CERS6: variants seen among roughly 807,000 people sequenced by gnomAD.
The protein encoded by CERS6 is ceramide synthase 6, also known as LAG1 homolog, ceramide synthase 6.
A neutral mutation model predicts 56.8 loss-of-function variants in CERS6; 26 were observed. The observed-to-expected ratio is 0.46, with a 90% CI of 0.34 to 0.63. The LOEUF is 0.63. Ranked by LOEUF, CERS6 falls within the 30% of genes least tolerant of loss-of-function variation. The probability of loss-of-function intolerance (pLI) is 0.01; values close to 1 mark genes in which losing one functional copy is unlikely to be tolerated. For synonymous variants in CERS6, 164 were observed against 173.3 expected, an observed-to-expected ratio of 0.95 and a Z score of 0.42; for missense variants, 415 against 467.5, an observed-to-expected ratio of 0.89 and a Z score of 1.04.
At chr2:168,514,121 T>C (rs1694844726) in intron 1 of CERS6, among the ~76,000 whole-genome samples, 1 of 152,174 alleles carries the variant, frequency 6.6e-6, no homozygotes, top group Non-Finnish European at 1.5e-5. Context: ...ATTTGAGGAG[T>C]CTGGAAAAAA....
chr2:168,709,968 G>T (rs772176962), intron 6 of CERS6, among the ~76,000 whole-genome samples: 3 of 152,172 alleles, frequency 2.0e-5, no homozygotes, highest in Non-Finnish European at 4.4e-5. Context: ...TTCTGAAGCA[G>T]AAATGTAAAA....
At chr2:168,728,721 G>A (rs938924971) in intron 8 of CERS6, among the ~76,000 whole-genome samples, 4 of 151,606 alleles carry the variant, frequency 2.6e-5, no homozygotes, top group African/African-American at 9.7e-5. Context: ...ATGCATTGTC[G>A]CCGGCCAGTC....
intron 1 of CERS6, among the ~76,000 whole-genome samples, chr2:168,465,170 A>G (rs953929093): frequency 1.3e-5 from 2 of 152,236 alleles, no homozygotes; most frequent in Non-Finnish European, 2.9e-5. Flanking sequence ...TGGCATATAC[A>G]TATGTCTCCA....
chr2:168,766,596 AC>A (rs1371880339), intron 9 of CERS6, among the ~76,000 whole-genome samples: 1 of 152,124 alleles, frequency 6.6e-6, no homozygotes, highest in Non-Finnish European at 1.5e-5. Context: ...TTCTTTCACT[AC>A]CCCCTCTCTG....
At chr2:168,465,356 A>G (rs1270060906) in intron 1 of CERS6, among the ~76,000 whole-genome samples, 1 of 152,164 alleles carries the variant, frequency 6.6e-6, no homozygotes, top group Non-Finnish European at 1.5e-5. Flanking sequence ...GTATTCTCAC[A>G]TCACGGAAGG....
At chr2:168,616,316 GA>G (rs200365324) in intron 3 of CERS6, among the ~76,000 whole-genome samples, 65 of 149,596 alleles carry the variant, frequency 4.3e-4, no homozygotes, top group African/African-American at 9.3e-4. Flanking sequence ...TACAATTTAG[GA>G]AAAAAAAATA....
At chr2:168,574,456 A>T (rs1320249143) in intron 3 of CERS6, among the ~76,000 whole-genome samples, 1 of 151,756 alleles carries the variant, frequency 6.6e-6, no homozygotes, top group Non-Finnish European at 1.5e-5. Flanking sequence ...TTGCTGCTAG[A>T]TGGGAAAACA....
intron 3 of CERS6, among the ~76,000 whole-genome samples, chr2:168,584,389 C>T (rs1683491929): frequency 6.6e-6 from 1 of 152,130 alleles, no homozygotes; most frequent in African/African-American, 2.4e-5. Context: ...CATAGAAAAA[C>T]TTCACAGTGG....
intron 4 of CERS6, among the ~76,000 whole-genome samples, chr2:168,659,349 C>T (rs1171056243): frequency 6.6e-6 from 1 of 152,230 alleles, no homozygotes; most frequent in African/African-American, 2.4e-5. Context: ...CTCTCCCTCA[C>T]ACGATTTCCT....
At position 168,513,822 on chromosome 2, in the gene CERS6, C is replaced by T. The variant is rs73018580; in HGVS notation, c.171-33774C>T. Reference sequence around the variant, plus strand: ...CTCTGTTTTCCCTTTTATTGTTGCTCCTGAGGCTGTTGGAACTGGTTGCGA... The same window carrying T: ...CTCTGTTTTCCCTTTTATTGTTGCTTCTGAGGCTGTTGGAACTGGTTGCGA... On this transcript the variant is annotated intron_variant, in intron 1 of 9. Transcript: ENST00000305747. Among the ~76,000 whole-genome samples the T allele has an allele frequency of 9.8e-3, 1,488 of 152,164 alleles. 23 individuals are homozygous for T. Among genetic ancestry groups the T allele is most frequent in the African/African-American group, 0.033 (1,378 of 41,484 alleles).
chr2:168,585,929 A>T (rs1393589331), intron 3 of CERS6, among the ~76,000 whole-genome samples: 5 of 152,178 alleles, frequency 3.3e-5, no homozygotes, highest in African/African-American at 1.2e-4. Context: ...CAACTAGGGC[A>T]TTTAGATTCT....
In CERS6 at chr2:168,508,051, T is replaced by C. The variant is rs1011381098; in HGVS notation, c.171-39545T>C. ...CTGAGCATGAAGGGAGTTCTTGATT[T>C]TTTATTTGCTTTTGTCTGTCCATAT... On this transcript the variant is annotated intron_variant, in intron 1 of 9. Coordinates refer to ENST00000305747, the MANE Select transcript of CERS6 (RefSeq NM_203463.3). Among the ~76,000 whole-genome samples the C allele has an allele frequency of 2.0e-5, 3 of 152,224 alleles. No homozygotes were observed. In the South Asian group the frequency reaches 6.2e-4, roughly 31 times the overall value.
intron 3 of CERS6, among the ~76,000 whole-genome samples, chr2:168,604,199 A>G (rs770432622): frequency 6.6e-6 from 1 of 152,104 alleles, no homozygotes; most frequent in East Asian, 1.9e-4. Flanking sequence ...CCTTAACCCT[A>G]TTTCCTGGCT....
chr2:168,553,186 G>T (rs1036089908), intron 2 of CERS6, among the ~76,000 whole-genome samples: 3 of 151,734 alleles, frequency 2.0e-5, no homozygotes, highest in Non-Finnish European at 2.9e-5. Context: ...GAATAAAACT[G>T]AATTAAATGA....
chr2:168,654,922 T>G (rs1056932328), intron 4 of CERS6, among the ~76,000 whole-genome samples: 1 of 152,234 alleles, frequency 6.6e-6, no homozygotes, highest in Non-Finnish European at 1.5e-5. Context: ...ATACATCTCA[T>G]GTACAACCAG....
chr2:168,565,895 A>G (rs567871454), intron 3 of CERS6, among the ~76,000 whole-genome samples: 2 of 152,334 alleles, frequency 1.3e-5, no homozygotes, highest in East Asian at 1.9e-4. Context: ...TTGAGAAGCA[A>G]CTGGTTCCGA....
In CERS6 at chr2:168,502,491, C is replaced by T. The variant is rs150111626; in HGVS notation, c.171-45105C>T. Among the ~76,000 whole-genome samples, 30 of 152,154 alleles carry T rather than the reference C, an allele frequency of 2.0e-4. 1 individual carries two copies. Among genetic ancestry groups the T allele is most frequent in the Middle Eastern group, 6.8e-3 (2 of 294 alleles). On this transcript the variant is annotated intron_variant, in intron 1 of 9. Coordinates refer to ENST00000305747, the MANE Select transcript of CERS6 (RefSeq NM_203463.3). ...ATAGCTTTGGCTGCTTCATCTGCAG[C>T]ATGGTTGTCTTTGTTGTCCTTTGTC... is the stretch of plus-strand genomic sequence containing the variant.
At chr2:168,519,807 C>T (rs963593101) in intron 1 of CERS6, among the ~76,000 whole-genome samples, 1 of 152,082 alleles carries the variant, frequency 6.6e-6, no homozygotes, top group South Asian at 2.1e-4. Context: ...ACTTTTAATA[C>T]CATATTTTCT....
intron 8 of CERS6, among the ~76,000 whole-genome samples, chr2:168,736,401 A>T (rs186019351): frequency 3.7e-4 from 57 of 152,194 alleles, no homozygotes; most frequent in African/African-American, 1.3e-3. Flanking sequence ...GTCATAGCTC[A>T]CTGCAGCCTC....
Sources: gnomAD v4.1 joint callset for allele counts (sites outside exome capture counted in the v4.1 genomes callset) on GRCh38, gnomAD v4.1.1 for gene constraint, MANE v1.5 for transcripts, NCBI Gene and HGNC (gene_info 2026-07-23, HGNC 2026-07-21) for gene names.